TEAD1: variants seen among roughly 807,000 people sequenced by gnomAD.
The protein encoded by TEAD1 is TEA domain transcription factor 1.
A neutral mutation model predicts 54.9 loss-of-function variants in TEAD1; 9 were observed. The ratio of observed to expected loss-of-function variants is 0.16; its 90% CI spans 0.10 to 0.29. The LOEUF is 0.29. TEAD1 is among the 10% of genes least tolerant of loss of function. TEAD1 has a pLI of 1.00. For missense variants in TEAD1, 387 were observed against 535.9 expected, an observed-to-expected ratio of 0.72 and a Z score of 2.74; for synonymous variants, 200 against 187.8, an observed-to-expected ratio of 1.07 and a Z score of -0.53.
At chr11:12,890,124 C>T (rs1022713486) in intron 9 of TEAD1, among the ~76,000 whole-genome samples, 11 of 152,254 alleles carry the variant, frequency 7.2e-5, no homozygotes, top group African/African-American at 1.4e-4. Flanking sequence ...ATAAAGGAAC[C>T]GTGGCTCAGA....
intron 2 of TEAD1, among the ~76,000 whole-genome samples, chr11:12,737,983 C>T (rs1018256921): frequency 3.9e-5 from 6 of 152,124 alleles, no homozygotes; most frequent in South Asian, 4.2e-4. Flanking sequence ...AGAATGAGAG[C>T]CAAGCAAAAG....
intron 3 of TEAD1, among the ~76,000 whole-genome samples, chr11:12,835,557 T>G (rs1946870232): frequency 1.3e-5 from 2 of 151,716 alleles, no homozygotes; most frequent in Non-Finnish European, 2.9e-5. Context: ...TGGCCTCATG[T>G]GATCCGCCCG....
intron 3 of TEAD1, among the ~76,000 whole-genome samples, chr11:12,802,270 T>G (rs1242309726): frequency 6.6e-6 from 1 of 152,222 alleles, no homozygotes; most frequent in Admixed American, 6.5e-5. Flanking sequence ...CAGATTACAA[T>G]TAACTTTTTT....
At chr11:12,844,150 G>C (rs1002011723) in intron 3 of TEAD1, among the ~76,000 whole-genome samples, 1 of 151,876 alleles carries the variant, frequency 6.6e-6, no homozygotes, top group Non-Finnish European at 1.5e-5. Flanking sequence ...ATGACTTAAA[G>C]CTTTTTTTTG....
intron 1 of TEAD1, among the ~76,000 whole-genome samples, chr11:12,675,178 C>T (rs1943053112): frequency 6.6e-6 from 1 of 151,072 alleles, no homozygotes; most frequent in Non-Finnish European, 1.5e-5. Context: ...CCCTCGGGCG[C>T]CTTGGACGGG....
intron 3 of TEAD1, among the ~76,000 whole-genome samples, chr11:12,805,018 C>T (rs572907518): frequency 6.6e-6 from 1 of 152,206 alleles, no homozygotes; most frequent in African/African-American, 2.4e-5. Context: ...AAGGCAGTCA[C>T]ATTTTGGCTC....
At chr11:12,682,112 C>CT (rs1354155404) in intron 2 of TEAD1, among the ~76,000 whole-genome samples, 1 of 152,206 alleles carries the variant, frequency 6.6e-6, no homozygotes, top group African/African-American at 2.4e-5. Flanking sequence ...TCTAGATATT[C>CT]TAATTTTTGT....
At chr11:12,814,768 C>T (rs533756078) in intron 3 of TEAD1, among the ~76,000 whole-genome samples, 13 of 150,054 alleles carry the variant, frequency 8.7e-5, no homozygotes, top group African/African-American at 2.7e-4. Flanking sequence ...CCCTGACCAT[C>T]GCAGAGCTCT....
rs1949131754 is a variant in TEAD1, at chr11:12,938,702, T to C, written c.*1480T>C. On this transcript the variant is annotated 3_prime_UTR_variant, in exon 13 of 13. Transcript: ENST00000527636. The stretch of plus-strand genomic sequence containing the variant: ...TGCCAGGAGAGATTCAACTTTCCAA[T>C]CTAAGTATTCCAGAGCATTGCCCAG... The C allele has an allele frequency of 6.6e-6, 1 of 152,240 alleles. No individual in the cohort carries two copies. Among genetic ancestry groups the C allele is most frequent in the Non-Finnish European group, 1.5e-5 (1 of 68,054 alleles). 9.4% of individuals were successfully genotyped at this position (152,240 alleles called of 1,614,324 possible).
intron 9 of TEAD1, among the ~76,000 whole-genome samples, chr11:12,895,249 G>A (rs994910185): frequency 8.6e-5 from 13 of 152,036 alleles, no homozygotes; most frequent in South Asian, 6.2e-4. Context: ...GTTGACTTTC[G>A]AGGGTTGCAT....
At chr11:12,761,996 T>C (rs987743337) in intron 2 of TEAD1, among the ~76,000 whole-genome samples, 4 of 152,154 alleles carry the variant, frequency 2.6e-5, no homozygotes, top group African/African-American at 4.8e-5. Flanking sequence ...TACAGTTATA[T>C]GAGAACATTC....
At chr11:12,866,149 T>C (rs1380475857) in intron 5 of TEAD1, among the ~76,000 whole-genome samples, 1 of 152,228 alleles carries the variant, frequency 6.6e-6, no homozygotes, top group Admixed American at 6.5e-5. Flanking sequence ...GTTGGAAGAC[T>C]AAGATAACTT....
intron 3 of TEAD1, among the ~76,000 whole-genome samples, chr11:12,783,494 C>T (rs535692834): frequency 6.6e-6 from 1 of 152,308 alleles, no homozygotes; most frequent in East Asian, 1.9e-4. Context: ...GAACACCTCT[C>T]ACAGTGTTTT....
intron 3 of TEAD1, among the ~76,000 whole-genome samples, chr11:12,782,669 C>G (rs1301713548): frequency 6.6e-6 from 1 of 152,200 alleles, no homozygotes; most frequent in Non-Finnish European, 1.5e-5. Context: ...TGTATATGCT[C>G]AGCATCATGC....
intron 2 of TEAD1, among the ~76,000 whole-genome samples, chr11:12,733,232 G>A (rs1003449739): frequency 6.6e-6 from 1 of 152,178 alleles, no homozygotes; most frequent in Non-Finnish European, 1.5e-5. Flanking sequence ...TGGACCCAGC[G>A]GCCCCTAGGT....
At chr11:12,886,866 CT>C (rs1441261810) in intron 9 of TEAD1, among the ~76,000 whole-genome samples, 3 of 152,156 alleles carry the variant, frequency 2.0e-5, no homozygotes, top group South Asian at 2.1e-4. Context: ...ATAATACCCC[CT>C]AATAGATATG....
intron 2 of TEAD1, among the ~76,000 whole-genome samples, chr11:12,728,557 A>G (rs1316099131): frequency 6.6e-6 from 1 of 152,138 alleles, no homozygotes; most frequent in Non-Finnish European, 1.5e-5. Flanking sequence ...TGGCAGGCAG[A>G]CAGTCATTTC....
At chr11:12,808,920 A>G (rs1390917863) in intron 3 of TEAD1, among the ~76,000 whole-genome samples, 2 of 152,206 alleles carry the variant, frequency 1.3e-5, no homozygotes, top group East Asian at 3.9e-4. Context: ...GACAGGCTGC[A>G]TAATTCTCGC....
intron 3 of TEAD1, among the ~76,000 whole-genome samples, chr11:12,779,272 C>G (rs1945496293): frequency 6.6e-6 from 1 of 152,262 alleles, no homozygotes; most frequent in East Asian, 1.9e-4. Flanking sequence ...CTGTAGAGTT[C>G]AGAAGGGTGT....
Sources: gnomAD v4.1 joint callset for allele counts (sites outside exome capture counted in the v4.1 genomes callset) on GRCh38, gnomAD v4.1.1 for gene constraint, MANE v1.5 for transcripts, NCBI Gene and HGNC (gene_info 2026-07-23, HGNC 2026-07-21) for gene names.